The following DLGAP2 variants were observed in gnomAD, a reference collection of about 807,000 sequenced individuals.
DLGAP2 encodes the protein DLG associated protein 2, also known as disks large-associated protein 2.
DLGAP2 carries 26 observed loss-of-function variants against 100.3 expected under a neutral mutation model. That is an observed-to-expected ratio of 0.26 (90% confidence interval 0.19 to 0.36). DLGAP2 has a LOEUF of 0.36. Ranked by LOEUF, DLGAP2 falls within the 10% of genes least tolerant of loss-of-function variation. The probability of loss-of-function intolerance (pLI) is 1.00; values close to 1 mark genes in which losing one functional copy is unlikely to be tolerated. For synonymous variants in DLGAP2, 886 were observed against 630.1 expected (o/e 1.41, Z -6.08); for missense variants, 1,858 against 1,453.2 (o/e 1.28, Z -4.53).
At chr8:1,096,188 T>G (rs1044885746) in intron 2 of DLGAP2, among the ~76,000 whole-genome samples, 4 of 152,210 alleles carry the variant, frequency 2.6e-5, no homozygotes, top group Non-Finnish European at 4.4e-5. Flanking sequence ...TGGCTGACTT[T>G]CCATGGTTGC....
At chr8:854,035 A>G (rs1183803985) in intron 1 of DLGAP2, among the ~76,000 whole-genome samples, 1 of 152,170 alleles carries the variant, frequency 6.6e-6, no homozygotes, top group Non-Finnish European at 1.5e-5. Context: ...TCTCTGGACC[A>G]GGAAAGAGGC....
chr8:1,130,463 G>T (rs192813713), intron 2 of DLGAP2, among the ~76,000 whole-genome samples: 1 of 152,166 alleles, frequency 6.6e-6, no homozygotes, highest in Non-Finnish European at 1.5e-5. Flanking sequence ...ATGAACCGCC[G>T]TACGCTTGAG....
At chr8:1,639,985 C>A (rs768129025) in intron 8 of DLGAP2, among the ~76,000 whole-genome samples, 5 of 152,182 alleles carry the variant, frequency 3.3e-5, no homozygotes, top group Non-Finnish European at 5.9e-5. Flanking sequence ...CATAAAGTAC[C>A]ATGGTCACAG....
intron 2 of DLGAP2, among the ~76,000 whole-genome samples, chr8:967,024 C>A (rs1171746158): frequency 1.3e-5 from 2 of 152,222 alleles, no homozygotes; most frequent in African/African-American, 4.8e-5. Context: ...TCACATGTGT[C>A]ATGTGGACAT....
intron 2 of DLGAP2, among the ~76,000 whole-genome samples, chr8:1,011,124 G>C (rs948117820): frequency 2.0e-5 from 3 of 148,396 alleles, no homozygotes; most frequent in Admixed American, 2.0e-4. Context: ...GAGCCCGGGC[G>C]AAGGGCCTCA....
intron 3 of DLGAP2, among the ~76,000 whole-genome samples, chr8:1,337,452 G>A (rs1372545420): frequency 1.3e-5 from 2 of 150,868 alleles, no homozygotes; most frequent in African/African-American, 4.9e-5. Flanking sequence ...TGATGGTGAT[G>A]ATGGTGAGAA....
intron 2 of DLGAP2, among the ~76,000 whole-genome samples, chr8:1,200,930 C>G (rs987244847): frequency 6.6e-6 from 1 of 152,230 alleles, no homozygotes; most frequent in Admixed American, 6.5e-5. Context: ...GTGCGCGATT[C>G]AGCTCCAGGA....
intron 6 of DLGAP2, among the ~76,000 whole-genome samples, chr8:1,570,238 C>G (rs1382058083): frequency 1.3e-5 from 2 of 152,246 alleles, no homozygotes; most frequent in Non-Finnish European, 2.9e-5. Context: ...CTGCTGGCCT[C>G]CAGGGTCATG....
chr8:1,177,111 C>T lies in DLGAP2; in HGVS notation c.74-81740C>T, dbSNP rs140851072. Among the ~76,000 whole-genome samples the T allele has an allele frequency of 7.9e-5, 12 of 152,288 alleles. 1 individual carries two copies. Among genetic ancestry groups the T allele is most frequent in the East Asian group, 7.7e-4 (4 of 5,182 alleles). ...AGTCAACATGGTCTAACCTGTTATA[C>T]GTGGTCTAAAAGTCCCAGCCTTCGA... On this transcript the variant is annotated intron_variant, in intron 2 of 14. Coordinates refer to ENST00000637795, the MANE Select transcript of DLGAP2 (RefSeq NM_001346810.2).
intron 3 of DLGAP2, among the ~76,000 whole-genome samples, chr8:1,431,180 T>G (rs1280917146): frequency 6.6e-6 from 1 of 152,262 alleles, no homozygotes; most frequent in Non-Finnish European, 1.5e-5. Context: ...TGAGCTGAAA[T>G]GTCTTTCATG....
intron 3 of DLGAP2, among the ~76,000 whole-genome samples, chr8:1,304,290 C>T (rs1800437561): frequency 6.6e-6 from 1 of 152,208 alleles, no homozygotes; most frequent in Non-Finnish European, 1.5e-5. Context: ...GGCCCCACAC[C>T]CAGGGTGGCA....
intron 3 of DLGAP2, among the ~76,000 whole-genome samples, chr8:1,391,172 T>C (rs908604394): frequency 6.6e-6 from 1 of 152,180 alleles, no homozygotes; most frequent in African/African-American, 2.4e-5. Flanking sequence ...TAGATGGGAA[T>C]TGGAAAGATT....
chr8:950,890 CT>C (rs1055626445), intron 2 of DLGAP2, among the ~76,000 whole-genome samples: 7 of 152,056 alleles, frequency 4.6e-5, no homozygotes, highest in African/African-American at 1.7e-4. Flanking sequence ...TCCCAAAGCG[CT>C]GGGATTACAG....
At chr8:913,024 G>C (rs765757095) in intron 2 of DLGAP2, among the ~76,000 whole-genome samples, 2 of 152,206 alleles carry the variant, frequency 1.3e-5, no homozygotes, top group African/African-American at 2.4e-5. Flanking sequence ...TGAAATATTG[G>C]ATTGAAATGT....
chr8:915,645 C>G (rs996479985), intron 2 of DLGAP2, among the ~76,000 whole-genome samples: 2 of 152,062 alleles, frequency 1.3e-5, no homozygotes, highest in African/African-American at 4.8e-5. Context: ...ATTCCCGAAT[C>G]ACACGGCTGG....
At position 1,701,552 on chromosome 8, in the gene DLGAP2, C is replaced by T. The variant is rs1799572188; in HGVS notation, c.*146C>T. 5.8e-6 allele frequency: 5 copies of T among 857,518 alleles called. No homozygotes were observed. The highest frequency in any genetic ancestry group is 1.8e-5 in the South Asian group (1 of 55,366). 53.1% of individuals were successfully genotyped at this position (857,518 alleles called of 1,614,324 possible). ...CCCGCGCCCCGGACACAGCGGGACGCGGCCGGCGGCCTCAGAGTCCACGGA... is the reference window on the plus strand; with the variant it reads ...CCCGCGCCCCGGACACAGCGGGACGTGGCCGGCGGCCTCAGAGTCCACGGA... On this transcript the variant is annotated 3_prime_UTR_variant, in exon 15 of 15. Coordinates refer to ENST00000637795, the MANE Select transcript of DLGAP2 (RefSeq NM_001346810.2).
At chr8:1,107,902 G>A (rs1025911713) in intron 2 of DLGAP2, among the ~76,000 whole-genome samples, 4 of 152,154 alleles carry the variant, frequency 2.6e-5, no homozygotes, top group South Asian at 2.1e-4. Context: ...GGGAGCTCAC[G>A]AGATGGCAGA....
rs148749137 is a variant in DLGAP2, at chr8:808,106, G to A, written c.18+70281G>A. ...GTGTCAGCCTTACCTGTCATATGGCGGATGTGACACCTGCCTCACAGGGTC... is the reference window on the plus strand; with the variant it reads ...GTGTCAGCCTTACCTGTCATATGGCAGATGTGACACCTGCCTCACAGGGTC... On this transcript the variant is annotated intron_variant, in intron 1 of 14. Coordinates refer to ENST00000637795, the MANE Select transcript of DLGAP2 (RefSeq NM_001346810.2). Among the ~76,000 whole-genome samples, 222 of 152,294 alleles carry A rather than the reference G, an allele frequency of 1.5e-3. No individual in the cohort carries two copies. In the East Asian group the frequency reaches 0.015, roughly 11 times the overall value.
intron 4 of DLGAP2, among the ~76,000 whole-genome samples, chr8:1,515,011 A>C (rs188137598): frequency 6.6e-6 from 1 of 151,640 alleles, no homozygotes; most frequent in East Asian, 2.0e-4. Context: ...GGAGACCGAC[A>C]TGGAGGGAGA....
Sources: gnomAD v4.1 joint callset for allele counts (sites outside exome capture counted in the v4.1 genomes callset) on GRCh38, gnomAD v4.1.1 for gene constraint, MANE v1.5 for transcripts, NCBI Gene and HGNC (gene_info 2026-07-23, HGNC 2026-07-21) for gene names.